Variants in RBFOX1 observed in about 807,000 individuals in gnomAD.
RBFOX1 encodes the protein RNA binding protein fox-1 homolog 1.
RBFOX1 carries 8 observed loss-of-function variants against 57.7 expected under a neutral mutation model. That is an observed-to-expected ratio of 0.14 (90% CI 0.08 to 0.25). The LOEUF (loss-of-function observed/expected upper bound fraction) is 0.25. Among genes scored for constraint, RBFOX1 ranks in the 10% least tolerant of loss-of-function variants. The pLI is 1.00. For synonymous variants in RBFOX1, 326 were observed against 222.4 expected, an observed-to-expected ratio of 1.47 and a Z score of -4.15; for missense variants, 611 against 548.5, an observed-to-expected ratio of 1.11 and a Z score of -1.14.
At chr16:7,014,729 C>T (rs1349297696) in intron 3 of RBFOX1, among the ~76,000 whole-genome samples, 2 of 151,200 alleles carry the variant, frequency 1.3e-5, no homozygotes, top group African/African-American at 4.9e-5. Flanking sequence ...AGTTCTTTAC[C>T]AGGTTGTTTT....
rs1346614426 is a variant in RBFOX1 at position 5,575,207 on chromosome 16, T to G, written c.259-23695T>G. ...CCTAACTTGCTGTCTCTGAATAGTT[T>G]GTTTCTTAATTTTAACTCTGAGAAA... On this transcript the variant is annotated intron_variant, in intron 2 of 2. Coordinates refer to the RBFOX1 transcript ENST00000585867. Among the ~76,000 whole-genome samples the G allele has an allele frequency of 2.0e-5, 3 of 152,244 alleles. No individual in the cohort carries two copies. In the East Asian group the frequency reaches 5.8e-4, roughly 29 times the overall value.
chr16:5,948,688 C>A (rs543974875), intron 4 of RBFOX1, among the ~76,000 whole-genome samples: 1 of 152,268 alleles, frequency 6.6e-6, no homozygotes, highest in South Asian at 2.1e-4. Flanking sequence ...CCGGGAGGGA[C>A]GCCTGATGTT....
chr16:7,700,238 G>C (rs1247667053), intron 14 of RBFOX1, among the ~76,000 whole-genome samples: 1 of 152,142 alleles, frequency 6.6e-6, no homozygotes, highest in African/African-American at 2.4e-5. Context: ...GGCAATAGCT[G>C]CAGTCCTCTC....
intron 1 of RBFOX1, among the ~76,000 whole-genome samples, chr16:5,443,944 G>A (rs2068163715): frequency 6.6e-6 from 1 of 152,160 alleles, no homozygotes; most frequent in African/African-American, 2.4e-5. Flanking sequence ...CAGTATGAGA[G>A]GAAGTGTCAG....
At chr16:7,094,309 T>C (rs1007024717) in intron 4 of RBFOX1, among the ~76,000 whole-genome samples, 1 of 152,144 alleles carries the variant, frequency 6.6e-6, no homozygotes, top group Admixed American at 6.5e-5. Context: ...GAGCATTGTT[T>C]TGACCACTAA....
intron 10 of RBFOX1, among the ~76,000 whole-genome samples, chr16:7,620,413 G>T (rs1374385599): frequency 1.3e-5 from 2 of 152,210 alleles, no homozygotes; most frequent in East Asian, 1.9e-4. Context: ...CACTTTTTCA[G>T]TGACACTATA....
At chr16:6,518,716 T>G (rs553023572) in intron 2 of RBFOX1, among the ~76,000 whole-genome samples, 1 of 152,088 alleles carries the variant, frequency 6.6e-6, no homozygotes, top group South Asian at 2.1e-4. Context: ...CATCCGTCCG[T>G]CCGTCCATCC....
chr16:7,590,712 A>G (rs2094396736), intron 7 of RBFOX1, among the ~76,000 whole-genome samples: 1 of 151,936 alleles, frequency 6.6e-6, no homozygotes, highest in African/African-American at 2.4e-5. Context: ...ATACAAAATT[A>G]GCAGGGTGTG....
chr16:7,044,779 G>C (rs1303850071), intron 3 of RBFOX1, among the ~76,000 whole-genome samples: 1 of 152,162 alleles, frequency 6.6e-6, no homozygotes, highest in Non-Finnish European at 1.5e-5. Context: ...TTCAAGGCTA[G>C]CTTTTAAAGA....
intron 2 of RBFOX1, among the ~76,000 whole-genome samples, chr16:6,627,347 G>A (rs946999033): frequency 5.3e-5 from 8 of 152,094 alleles, no homozygotes; most frequent in South Asian, 2.1e-4. Context: ...TAGGACATAC[G>A]GATCAAAAGC....
At chr16:6,818,043 T>C (rs1278273416) in intron 3 of RBFOX1, among the ~76,000 whole-genome samples, 1 of 152,182 alleles carries the variant, frequency 6.6e-6, no homozygotes, top group Non-Finnish European at 1.5e-5. Context: ...TGCTCTCCTA[T>C]ATCTCACATG....
intron 2 of RBFOX1, among the ~76,000 whole-genome samples, chr16:5,482,884 C>T (rs1308047746): frequency 6.6e-6 from 1 of 152,104 alleles, no homozygotes; most frequent in Admixed American, 6.5e-5. Flanking sequence ...TTTTCAAGAT[C>T]CTTAAGGCCA....
At chr16:7,345,830 T>G (rs1204281787) in intron 4 of RBFOX1, among the ~76,000 whole-genome samples, 1 of 152,166 alleles carries the variant, frequency 6.6e-6, no homozygotes, top group African/African-American at 2.4e-5. Context: ...TAATTTTTTG[T>G]TTTTATTTTT....
chr16:6,939,683 TG>T (rs2078014094), intron 3 of RBFOX1, among the ~76,000 whole-genome samples: 1 of 152,000 alleles, frequency 6.6e-6, no homozygotes, highest in African/African-American at 2.4e-5. Context: ...AGCTAATTTT[TG>T]TATCTTTGGT....
intron 1 of RBFOX1, among the ~76,000 whole-genome samples, chr16:5,413,569 A>C (rs752234364): frequency 6.6e-6 from 1 of 152,230 alleles, no homozygotes; most frequent in Non-Finnish European, 1.5e-5. Flanking sequence ...CAGACGTAGA[A>C]CATTTCCATT....
chr16:5,424,917 TTC>T (rs144181054), intron 1 of RBFOX1, among the ~76,000 whole-genome samples: 87 of 116,114 alleles, frequency 7.5e-4, no homozygotes, highest in African/African-American at 2.1e-3. Flanking sequence ...CTTTCTTTCT[TTC>T]TTTCTTTCTT....
chr16:5,283,924 CA>C (rs1359269808), intron 1 of RBFOX1, among the ~76,000 whole-genome samples: 3 of 151,892 alleles, frequency 2.0e-5, no homozygotes, highest in Middle Eastern at 3.2e-3. Flanking sequence ...TGGGAGGGGC[CA>C]GGGGCAGAAT....
chr16:7,070,063 C>T (rs1459084854), intron 4 of RBFOX1, among the ~76,000 whole-genome samples: 1 of 152,200 alleles, frequency 6.6e-6, no homozygotes, highest in Non-Finnish European at 1.5e-5. Context: ...CTCTCTTGCA[C>T]AGTACATCAC....
At chr16:5,418,070 A>G (rs2067207639) in intron 1 of RBFOX1, among the ~76,000 whole-genome samples, 1 of 127,680 alleles carries the variant, frequency 7.8e-6, no homozygotes, top group Non-Finnish European at 1.6e-5. Context: ...AACAAGAGCA[A>G]AACTCCATCT....
Sources: gnomAD v4.1 joint callset for allele counts (sites outside exome capture counted in the v4.1 genomes callset) on GRCh38, gnomAD v4.1.1 for gene constraint, MANE v1.5 for transcripts, NCBI Gene and HGNC (gene_info 2026-07-23, HGNC 2026-07-21) for gene names.